The following PCOLCE2 variants were observed in gnomAD, a reference collection of about 807,000 sequenced individuals.
PCOLCE2 encodes the protein procollagen C-endopeptidase enhancer 2, also known as procollagen C-proteinase enhancer 2.
In PCOLCE2, 42 loss-of-function variants were observed where a neutral mutation model predicts 47.0. That is an observed-to-expected ratio of 0.89 (90% CI 0.70 to 1.16). PCOLCE2 has a LOEUF of 1.16. Among genes scored for constraint, PCOLCE2 ranks in the 50% most tolerant of loss-of-function variants. PCOLCE2 has a pLI of 0.00. For missense variants in PCOLCE2, 500 were observed against 526.1 expected, an observed-to-expected ratio of 0.95 and a Z score of 0.49; for synonymous variants, 169 against 191.7, an observed-to-expected ratio of 0.88 and a Z score of 0.98.
At chr3:142,826,489 T>C (rs1937079794) in intron 6 of PCOLCE2, among the ~76,000 whole-genome samples, 1 of 152,174 alleles carries the variant, frequency 6.6e-6, no homozygotes, top group Admixed American at 6.5e-5. Flanking sequence ...CTCTCACCTT[T>C]ATAGAAACTT....
chr3:142,827,622 G>A lies in PCOLCE2; in HGVS notation c.865+2070C>T. ...CCGCAATACACAAACTGGCCCGTGT[G>A]AATGCCCTCGGCAGCAATGAAAAGC... On this transcript the variant is annotated intron_variant, in intron 6 of 8. Coordinates refer to ENST00000295992, the MANE Select transcript of PCOLCE2 (RefSeq NM_013363.4). 3.4e-6 allele frequency: 5 copies of A among 1,470,942 alleles called. No homozygotes were observed. The South Asian group carries it at 5.7e-5, about 17-fold the overall frequency. 91.1% of individuals were successfully genotyped at this position (1,470,942 alleles called of 1,614,324 possible).
chr3:142,831,308 GA>G (rs1937148795), intron 5 of PCOLCE2, among the ~76,000 whole-genome samples: 1 of 152,210 alleles, frequency 6.6e-6, no homozygotes, highest in South Asian at 2.1e-4. Flanking sequence ...TATAAGACGA[GA>G]GACCTGAGTT....
chr3:142,853,588 A>AAT (rs1457786843), intron 2 of PCOLCE2, among the ~76,000 whole-genome samples: 2 of 152,214 alleles, frequency 1.3e-5, no homozygotes, highest in Non-Finnish European at 2.9e-5. Flanking sequence ...AATCACAGAC[A>AAT]ATATACCTAC....
intron 3 of PCOLCE2, among the ~76,000 whole-genome samples, chr3:142,843,600 C>A (rs915660106): frequency 1.3e-5 from 2 of 151,762 alleles, no homozygotes; most frequent in African/African-American, 4.8e-5. Flanking sequence ...CAAAAATATA[C>A]CCCCAAATCC....
chr3:142,823,401 G>A (rs1937036621), intron 7 of PCOLCE2, 131 bp downstream of exon 7: 2 of 605,412 alleles, frequency 3.3e-6, no homozygotes, highest in African/African-American at 1.8e-5. Flanking sequence ...TGGTGTATAG[G>A]CAAGTATTTT....
intron 2 of PCOLCE2, among the ~76,000 whole-genome samples, chr3:142,881,863 T>C (rs1229411441): frequency 6.6e-6 from 1 of 152,198 alleles, no homozygotes. Flanking sequence ...TGAAGATCTT[T>C]CTATGTAAGA....
intron 2 of PCOLCE2, among the ~76,000 whole-genome samples, chr3:142,850,336 T>A (rs1345716617): frequency 1.3e-5 from 2 of 152,174 alleles, no homozygotes; most frequent in African/African-American, 2.4e-5. Flanking sequence ...CCTGCATGAA[T>A]AGTGACTATT....
At chr3:142,837,743 T>G (rs1450453594) in intron 5 of PCOLCE2, among the ~76,000 whole-genome samples, 2 of 152,206 alleles carry the variant, frequency 1.3e-5, no homozygotes, top group African/African-American at 4.8e-5. Context: ...TGCAGTTATA[T>G]AAATGCAGTT....
rs144279532 is a variant in PCOLCE2 at position 142,837,300 on chromosome 3, G to A, written c.710+1470C>T. On this transcript the variant is annotated intron_variant, in intron 5 of 8. Transcript: ENST00000295992. The stretch of plus-strand genomic sequence containing the variant: ...GAATACATTTGTGCTGTTTTAAGTC[G>A]CTGCACGTGTGGCAATTTGTTACAG... Among the ~76,000 whole-genome samples, 15 of 152,282 alleles carry A rather than the reference G, an allele frequency of 9.9e-5. No homozygotes were observed. In the East Asian group the frequency reaches 2.3e-3, roughly 23 times the overall value.
chr3:142,845,673 C>T (rs530691856), intron 3 of PCOLCE2, among the ~76,000 whole-genome samples: 2 of 152,132 alleles, frequency 1.3e-5, no homozygotes, highest in African/African-American at 2.4e-5. Context: ...TATTCCAGCG[C>T]TTTAAAAATA....
intron 2 of PCOLCE2, among the ~76,000 whole-genome samples, chr3:142,852,801 T>C (rs1011476457): frequency 1.2e-4 from 18 of 150,592 alleles, no homozygotes; most frequent in Non-Finnish European, 1.9e-4. Flanking sequence ...CAGTGACTTT[T>C]TGTGTTGTTT....
chr3:142,837,192 A>G (rs1937213616), intron 5 of PCOLCE2, among the ~76,000 whole-genome samples: 1 of 152,230 alleles, frequency 6.6e-6, no homozygotes, highest in African/African-American at 2.4e-5. Flanking sequence ...AAGGAAACAG[A>G]TTCCCTTTCA....
chr3:142,858,089 A>C (rs1933105093), intron 2 of PCOLCE2, among the ~76,000 whole-genome samples: 1 of 152,180 alleles, frequency 6.6e-6, no homozygotes, highest in African/African-American at 2.4e-5. Flanking sequence ...CGAGGAACTC[A>C]TCCTCTCCCA....
intron 2 of PCOLCE2, among the ~76,000 whole-genome samples, chr3:142,876,517 C>G (rs1205611868): frequency 6.6e-6 from 1 of 152,146 alleles, no homozygotes; most frequent in Non-Finnish European, 1.5e-5. Context: ...ATAATGTACT[C>G]TTATTTGTTA....
In PCOLCE2 at chr3:142,888,914, G is replaced by A. The variant is rs777662490; in HGVS notation, c.-18C>T. Reference sequence around the variant, plus strand: ...CCCCTCATGGCAGCGTAGACGCTCGGGGTTTGCACCCCACGGCGCGCGCGC... The same window carrying A: ...CCCCTCATGGCAGCGTAGACGCTCGAGGTTTGCACCCCACGGCGCGCGCGC... On this transcript the variant is annotated 5_prime_UTR_variant, in exon 1 of 9. Coordinates refer to ENST00000295992, the MANE Select transcript of PCOLCE2 (RefSeq NM_013363.4). The A allele has an allele frequency of 7.2e-7, 1 of 1,395,596 alleles. No individual in the cohort carries two copies. The highest frequency in any genetic ancestry group is 1.5e-5 in the African/African-American group (1 of 66,292). The allele number at this position is 1,395,596 out of a possible 1,614,324, so 86.5% of individuals were successfully genotyped here.
At chr3:142,883,042 T>C (rs1410901417) in intron 2 of PCOLCE2, among the ~76,000 whole-genome samples, 1 of 151,272 alleles carries the variant, frequency 6.6e-6, no homozygotes, top group East Asian at 2.0e-4. Flanking sequence ...CTACTAAAAA[T>C]ACAAAAAATT....
intron 2 of PCOLCE2, among the ~76,000 whole-genome samples, chr3:142,883,198 CA>C (rs750569279): frequency 0.28 from 20,117 of 71,482 alleles, 802 homozygotes; most frequent in Non-Finnish European, 0.34. Context: ...GACTCCGTCT[CA>C]AAAAAAAAAA....
chr3:142,860,692 G>A (rs1205116868), intron 2 of PCOLCE2, among the ~76,000 whole-genome samples: 1 of 152,224 alleles, frequency 6.6e-6, no homozygotes, highest in Non-Finnish European at 1.5e-5. Context: ...ATAGGTGTGA[G>A]CCACCACTCC....
intron 6 of PCOLCE2, among the ~76,000 whole-genome samples, chr3:142,824,306 G>A (rs187498741): frequency 3.3e-5 from 5 of 152,222 alleles, no homozygotes; most frequent in African/African-American, 1.2e-4. Context: ...CAACTAGAGG[G>A]TATTGCTAGC....
Sources: gnomAD v4.1 joint callset for allele counts (sites outside exome capture counted in the v4.1 genomes callset) on GRCh38, gnomAD v4.1.1 for gene constraint, MANE v1.5 for transcripts, NCBI Gene and HGNC (gene_info 2026-07-23, HGNC 2026-07-21) for gene names.